Variants in OCA2 observed in about 807,000 individuals in gnomAD.
The protein encoded by OCA2 is OCA2 melanosomal transmembrane protein.
Under a neutral mutation model 100.2 loss-of-function variants are expected in OCA2, and 77 were observed. The ratio of observed to expected loss-of-function variants is 0.77; its 90% confidence interval spans 0.64 to 0.93. The LOEUF is 0.93. Ranked by LOEUF, OCA2 falls within the 40% of genes least tolerant of loss-of-function variation. OCA2 has a pLI of 0.00. For synonymous variants in OCA2, 432 were observed against 439.2 expected (o/e 0.98, Z 0.21); for missense variants, 1,062 against 1,089.1 (o/e 0.98, Z 0.35).
At chr15:27,887,720 C>A (rs1189000971) in intron 19 of OCA2, among the ~76,000 whole-genome samples, 1 of 150,666 alleles carries the variant, frequency 6.6e-6, no homozygotes, top group Non-Finnish European at 1.5e-5. Flanking sequence ...AACAGCACAG[C>A]TGCAGGGTGC....
At chr15:27,937,982 T>A (rs1013756636) in intron 18 of OCA2, among the ~76,000 whole-genome samples, 3 of 152,108 alleles carry the variant, frequency 2.0e-5, no homozygotes, top group African/African-American at 7.2e-5. Flanking sequence ...AAAAGCTGAG[T>A]CACAAATATA....
At chr15:27,965,922 C>T (rs981161670) in intron 15 of OCA2, among the ~76,000 whole-genome samples, 5 of 152,134 alleles carry the variant, frequency 3.3e-5, no homozygotes, top group Admixed American at 3.3e-4. Flanking sequence ...GGCCCTAAGC[C>T]CTCATCCTGC....
rs113824774 is a variant in OCA2 at position 27,787,126 on chromosome 15, C to T, written c.2433-31654G>A. Among the ~76,000 whole-genome samples the T allele has an allele frequency of 6.1e-3, 928 of 152,104 alleles. 17 individuals carry two copies. The highest frequency in any genetic ancestry group is 0.021 in the African/African-American group (864 of 41,508). On this transcript the variant is annotated intron_variant, in intron 23 of 23. Transcript: ENST00000354638. Reference sequence around the variant, plus strand: ...AATGTTAAAGCAAATCTTGCATTACCGTTAAAAATCTCACTTGGACATGAT... The same window carrying T: ...AATGTTAAAGCAAATCTTGCATTACTGTTAAAAATCTCACTTGGACATGAT...
chr15:28,032,333 C>T (rs892040809), intron 2 of OCA2, among the ~76,000 whole-genome samples, 170 bp from the exon 3 acceptor site: 7 of 152,126 alleles, frequency 4.6e-5, no homozygotes, highest in South Asian at 4.1e-4. Flanking sequence ...TTAGAAGACA[C>T]CATAAGAAAG....
chr15:28,000,412 A>T lies in OCA2; in HGVS notation c.1045-9765T>A, dbSNP rs575887813. Among the ~76,000 whole-genome samples the T allele has an allele frequency of 3.3e-5, 5 of 152,288 alleles. No individual in the cohort carries two copies. In the East Asian group the frequency reaches 9.7e-4, roughly 29 times the overall value. The stretch of plus-strand genomic sequence containing the variant: ...GTATTGGGAAGCTGGATAACCACAT[A>T]CAAAAGAATGAAAGTGGACCCTATC... On this transcript the variant is annotated intron_variant, in intron 9 of 23. Coordinates refer to ENST00000354638, the MANE Select transcript of OCA2 (RefSeq NM_000275.3).
In OCA2 at chr15:27,926,211, A is replaced by T. The variant is rs1329985335; in HGVS notation, c.1995T>A (p.Ala665=). ...ILGAIWLLIL[A]DIHDFEIILH... ...GAATTATCTCAAAATCATGAATATC[A>T]GCTAAAATTAGCAACCAGATGGCAC... Residue 665 remains alanine (A), a synonymous_variant, in exon 19 of 24, where the codon GCT becomes GCA. Coordinates refer to ENST00000354638, the MANE Select transcript of OCA2 (RefSeq NM_000275.3). 1.2e-6 allele frequency: 2 copies of T among 1,614,122 alleles called. No homozygotes were observed. Among genetic ancestry groups the T allele is most frequent in the Admixed American group, 1.7e-5 (1 of 60,024 alleles).
chr15:27,824,602 C>CTCTCTCTCTATATATATATATATA lies in OCA2; in HGVS notation c.2432+20356_2432+20357insTATATATATATATATAGAGAGAGA. ...TTTCTCTCTCTCTCTCTCTCTCTCT[C>CTCTCTCTCTATATATATATATATA]TATATATATATATATATATAATATA... On this transcript the variant is annotated intron_variant, in intron 23 of 23. Transcript: ENST00000354638. Among the ~76,000 whole-genome samples, 85 of 47,562 alleles carry CTCTCTCTCTATATATATATATATA rather than the reference C, an allele frequency of 1.8e-3. 1 individual carries two copies. The highest frequency in any genetic ancestry group is 0.019 in the East Asian group (1 of 54). 31.2% of individuals were successfully genotyped at this position (47,562 alleles called of 152,430 possible).
In OCA2 at chr15:28,027,993, A is replaced by G; in HGVS notation, c.393T>C (p.Ser131=). The change falls in exon 4 of 24, where the codon TCT becomes TCC. Residue 131 remains serine, a synonymous_variant. Transcript: ENST00000354638. ...ITAEESWEDS[S]ADWERRYLLS... ...GCAGGTATCTTCGCTCCCAGTCAGC[A>G]GAGCTGTCTTCCCAAGACTCTTCAG... 1 of 1,614,228 alleles carries G rather than the reference A, an allele frequency of 6.2e-7. No homozygotes were observed. The highest frequency in any genetic ancestry group is 8.5e-7 in the Non-Finnish European group (1 of 1,180,046).
chr15:27,726,404 G>A, the OCA2 span, among the ~76,000 whole-genome samples: 13,643 of 152,092 alleles, frequency 0.09, 2,104 homozygotes, highest in African/African-American at 0.31. Flanking sequence ...TGTTAAAAAA[G>A]AAATGGTTTA....
At chr15:27,851,583 A>G (rs2035756680) in intron 21 of OCA2, 108 bp from the exon 22 acceptor site, 1 of 893,556 alleles carries the variant, frequency 1.1e-6, no homozygotes, top group Non-Finnish European at 1.8e-6. Context: ...TCAAACTCTA[A>G]GGAGCATAAG....
chr15:28,022,668 G>C, intron 5 of OCA2, 95 bp from the exon 6 acceptor site: 5 of 884,638 alleles, frequency 5.7e-6, no homozygotes, highest in Non-Finnish European at 9.4e-6. Context: ...ATGTGATGAT[G>C]GGGCTACTGT....
intron 19 of OCA2, among the ~76,000 whole-genome samples, chr15:27,916,437 T>C (rs2038667450): frequency 6.6e-6 from 1 of 152,216 alleles, no homozygotes; most frequent in Admixed American, 6.5e-5. Context: ...ATATTGATGT[T>C]ATGTACTCCC....
At chr15:27,978,662 G>GTA (rs1248432053) in intron 14 of OCA2, among the ~76,000 whole-genome samples, 94 of 151,282 alleles carry the variant, frequency 6.2e-4, no homozygotes, top group Admixed American at 1.4e-3. Context: ...ATATATGTGT[G>GTA]TATATATATA....
chr15:27,917,696 A>T (rs550703597), intron 19 of OCA2, among the ~76,000 whole-genome samples: 58 of 152,294 alleles, frequency 3.8e-4, no homozygotes, highest in African/African-American at 1.3e-3. Context: ...CTGTTACATA[A>T]GGATGAGTGG....
chr15:28,017,740 A>G (rs1322087428), intron 7 of OCA2, among the ~76,000 whole-genome samples: 1 of 152,186 alleles, frequency 6.6e-6, no homozygotes, highest in Non-Finnish European at 1.5e-5. Flanking sequence ...TCTACTGGTT[A>G]TAACAGGGAA....
Position 27,831,505 on chromosome 15 carries a change from G to T in OCA2, c.2432+13454C>A, listed in dbSNP as rs566510973. On this transcript the variant is annotated intron_variant, in intron 23 of 23. Transcript: ENST00000354638. The stretch of plus-strand genomic sequence containing the variant: ...ATTGTTTTCAGCCCTCTCCTCCTGG[G>T]AGGCATTCCTGTGCCACACACCGGA... Among the ~76,000 whole-genome samples the T allele has an allele frequency of 1.7e-4, 26 of 152,278 alleles. No individual in the cohort carries two copies. The South Asian group carries it at 3.5e-3, about 21-fold the overall frequency.
At chr15:28,011,956 G>A (rs1279717133) in intron 9 of OCA2, among the ~76,000 whole-genome samples, 1 of 150,066 alleles carries the variant, frequency 6.7e-6, no homozygotes, top group Non-Finnish European at 1.5e-5. Flanking sequence ...GCTCATGCCT[G>A]TAATCCCAGC....
At chr15:27,911,167 C>A (rs2038381556) in intron 19 of OCA2, among the ~76,000 whole-genome samples, 1 of 152,004 alleles carries the variant, frequency 6.6e-6, no homozygotes, top group Non-Finnish European at 1.5e-5. Flanking sequence ...CCATCTTAGT[C>A]CATTTATGAT....
At chr15:27,915,222 A>C (rs1008104134) in intron 19 of OCA2, among the ~76,000 whole-genome samples, 1 of 152,220 alleles carries the variant, frequency 6.6e-6, no homozygotes, top group Non-Finnish European at 1.5e-5. Context: ...AGATGGATCA[A>C]AGATTTTAAT....
Sources: allele counts gnomAD v4.1 joint callset (sites outside exome capture counted in the v4.1 genomes callset), GRCh38; gene constraint gnomAD v4.1.1; transcripts MANE v1.5; gene names NCBI Gene and HGNC (gene_info 2026-07-23, HGNC 2026-07-21).